Variants in DIAPH1 observed in about 807,000 individuals in gnomAD.
DIAPH1 encodes diaphanous related formin 1.
A neutral mutation model predicts 140.7 loss-of-function variants in DIAPH1; 46 were observed. The observed-to-expected ratio is 0.33, with a 90% CI of 0.26 to 0.42. DIAPH1 has a LOEUF of 0.42. Ranked by LOEUF, DIAPH1 falls within the 10% of genes least tolerant of loss-of-function variation. The pLI, the probability that DIAPH1 is intolerant of heterozygous loss-of-function variation, is 1.00. For synonymous variants in DIAPH1, 565 were observed against 551.6 expected (o/e 1.02, Z -0.34); for missense variants, 1,310 against 1,558.7 (o/e 0.84, Z 2.69).
intron 7 of DIAPH1, chr5:141,581,902 T>A (rs965130103): frequency 2.4e-5 from 4 of 163,880 alleles, no homozygotes; most frequent in African/African-American, 4.9e-5. Flanking sequence ...AAAATAAAAA[T>A]TAAAAAAAAT....
At chr5:141,525,608 C>T (rs191085225) in intron 26 of DIAPH1, among the ~76,000 whole-genome samples, 1 of 152,084 alleles carries the variant, frequency 6.6e-6, no homozygotes, top group East Asian at 1.9e-4. Flanking sequence ...GTACTAGGGA[C>T]ATAGTACTTT....
intron 1 of DIAPH1, among the ~76,000 whole-genome samples, chr5:141,604,792 C>T (rs551854586): frequency 5.9e-5 from 9 of 152,308 alleles, no homozygotes; most frequent in African/African-American, 1.9e-4. Context: ...TATACTACTA[C>T]TCAATAAGCC....
intron 18 of DIAPH1, among the ~76,000 whole-genome samples, chr5:141,569,130 T>C (rs1264799533): frequency 1.3e-5 from 2 of 152,190 alleles, no homozygotes; most frequent in Non-Finnish European, 2.9e-5. Flanking sequence ...ATCCCCTTTC[T>C]TGCAGCTTTT....
chr5:141,562,158 A>C (rs1042534892), intron 18 of DIAPH1, among the ~76,000 whole-genome samples: 7 of 152,176 alleles, frequency 4.6e-5, no homozygotes, highest in African/African-American at 1.7e-4. Flanking sequence ...TAGGAAGATC[A>C]AAAGGACATG....
chr5:141,595,149 G>A (rs1309093553), intron 1 of DIAPH1, among the ~76,000 whole-genome samples: 1 of 152,180 alleles, frequency 6.6e-6, no homozygotes, highest in Non-Finnish European at 1.5e-5. Context: ...AGAGAACTGT[G>A]GTTGCCAAGG....
intron 18 of DIAPH1, among the ~76,000 whole-genome samples, chr5:141,551,988 CA>C (rs1248816186): frequency 6.6e-6 from 1 of 152,108 alleles, no homozygotes; most frequent in Non-Finnish European, 1.5e-5. Flanking sequence ...ACAAGAAATA[CA>C]AAAAATCCTG....
chr5:141,559,956 T>C (rs1028579950), intron 18 of DIAPH1, among the ~76,000 whole-genome samples: 8 of 152,328 alleles, frequency 5.3e-5, no homozygotes, highest in Admixed American at 5.2e-4. Flanking sequence ...TCAACAGTTA[T>C]CCACTCGTGA....
At chr5:141,605,724 T>C (rs1357343123) in intron 1 of DIAPH1, among the ~76,000 whole-genome samples, 1 of 152,212 alleles carries the variant, frequency 6.6e-6, no homozygotes, top group African/African-American at 2.4e-5. Context: ...TCAGATCATT[T>C]CTAGGGTCTC....
At chr5:141,525,969 C>T (rs543394078) in intron 26 of DIAPH1, 69 bp downstream of exon 26, 26 of 1,603,648 alleles carry the variant, frequency 1.6e-5, no homozygotes, top group East Asian at 2.2e-5. Context: ...GACTCTGCCT[C>T]TAGACTCTAG....
chr5:141,522,578 C>CAAAAAA (rs5871776), intron 27 of DIAPH1, among the ~76,000 whole-genome samples: 1 of 88,954 alleles, frequency 1.1e-5, no homozygotes, highest in Non-Finnish European at 2.3e-5. Context: ...CCGACGGGGT[C>CAAAAAA]AAAAAAAAAA....
At chr5:141,573,009 G>A (rs1048972799) in intron 16 of DIAPH1, among the ~76,000 whole-genome samples, 1 of 152,230 alleles carries the variant, frequency 6.6e-6, no homozygotes, top group African/African-American at 2.4e-5. Context: ...GTGATGTATG[G>A]AATAAAGAAG....
At chr5:141,540,881 G>A (rs1476293978) in intron 18 of DIAPH1, among the ~76,000 whole-genome samples, 1 of 151,816 alleles carries the variant, frequency 6.6e-6, no homozygotes, top group Non-Finnish European at 1.5e-5. Context: ...GCAACAAGGT[G>A]AAACCCCATC....
At position 141,556,997 on chromosome 5, in the gene DIAPH1, G is replaced by A. The variant is rs192828090; in HGVS notation, c.2482+14431C>T. Among the ~76,000 whole-genome samples, 86 of 152,136 alleles carry A rather than the reference G, an allele frequency of 5.7e-4. 1 individual carries two copies. The highest frequency in any genetic ancestry group is 1.5e-3 in the African/African-American group (64 of 41,508). On this transcript the variant is annotated intron_variant, in intron 18 of 27. Transcript: ENST00000389054. ...GGCGTGAGTCACCGCGCCTGGCAGAGATCTTTTTAAAAGAAATTAAGTCTA... is the reference window on the plus strand; with the variant it reads ...GGCGTGAGTCACCGCGCCTGGCAGAAATCTTTTTAAAAGAAATTAAGTCTA...
chr5:141,528,440 C>T lies in DIAPH1; in HGVS notation c.3148+13G>A. The T allele has an allele frequency of 1.2e-6, 2 of 1,614,080 alleles. No homozygotes were observed. The highest frequency in any genetic ancestry group is 1.7e-6 in the Non-Finnish European group (2 of 1,180,008). Reference sequence around the variant, plus strand: ...AGACTTTTGGGCTCTAGCTTCATTCCAAACTGCCCCACCTCGGCTGGCTTT... The same window carrying T: ...AGACTTTTGGGCTCTAGCTTCATTCTAAACTGCCCCACCTCGGCTGGCTTT... On this transcript the variant is annotated intron_variant, in intron 23 of 27. Transcript: ENST00000389054.
At chr5:141,614,703 G>T (rs2099902383) in intron 1 of DIAPH1, among the ~76,000 whole-genome samples, 1 of 152,094 alleles carries the variant, frequency 6.6e-6, no homozygotes, top group East Asian at 1.9e-4. Flanking sequence ...AAGGCAGGAA[G>T]AATGGCGGAA....
At chr5:141,575,437 T>TC (rs1306305114) in intron 14 of DIAPH1, among the ~76,000 whole-genome samples, 15 of 152,082 alleles carry the variant, frequency 9.9e-5, no homozygotes, top group African/African-American at 3.6e-4. Context: ...TCACCTGAGG[T>TC]CAGAAGTTCG....
chr5:141,525,955 A>G (rs2099887275), intron 26 of DIAPH1, 83 bp downstream of exon 26: 1 of 1,602,732 alleles, frequency 6.2e-7, no homozygotes, highest in Non-Finnish European at 8.5e-7. Flanking sequence ...GAGCTCAGAC[A>G]TGAGACTCTG....
chr5:141,585,927 T>C (rs946933812), intron 3 of DIAPH1, among the ~76,000 whole-genome samples: 3 of 152,258 alleles, frequency 2.0e-5, no homozygotes, highest in African/African-American at 7.2e-5. Context: ...GGATATTTTA[T>C]GTTATTCAAG....
intron 16 of DIAPH1, 99 bp downstream of exon 16, chr5:141,573,393 C>G: frequency 1.4e-6 from 2 of 1,430,624 alleles, no homozygotes; most frequent in Non-Finnish European, 9.6e-7. Flanking sequence ...CGAGATCGCA[C>G]CACTGCACTC....
Sources: allele counts gnomAD v4.1 joint callset (sites outside exome capture counted in the v4.1 genomes callset), GRCh38; gene constraint gnomAD v4.1.1; transcripts MANE v1.5; gene names NCBI Gene and HGNC (gene_info 2026-07-23, HGNC 2026-07-21).